Variants in RAD54B observed in about 807,000 individuals in gnomAD.
RAD54B encodes DNA repair and recombination protein RAD54B.
A neutral mutation model predicts 95.8 loss-of-function variants in RAD54B; 78 were observed. The ratio of observed to expected loss-of-function variants is 0.81; its 90% CI spans 0.68 to 0.98. RAD54B has a LOEUF of 0.98. Among genes scored for constraint, RAD54B ranks in the 50% least tolerant of loss-of-function variants. The pLI is 0.00. For missense variants in RAD54B, 957 were observed against 1,056.6 expected (o/e 0.91, Z 1.31); for synonymous variants, 328 against 354.9 (o/e 0.92, Z 0.85).
chr8:94,420,282 G>C (rs1304659109), intron 3 of RAD54B, among the ~76,000 whole-genome samples: 1 of 96,690 alleles, frequency 1.0e-5, no homozygotes, highest in Non-Finnish European at 2.0e-5. Flanking sequence ...TTTTAAGACA[G>C]AGTCTCACTG....
intron 3 of RAD54B, among the ~76,000 whole-genome samples, chr8:94,447,909 A>G (rs1438688076): frequency 6.6e-6 from 1 of 152,242 alleles, no homozygotes; most frequent in Non-Finnish European, 1.5e-5. Flanking sequence ...TAGACCAGTC[A>G]GCCCTGAAGC....
intron 5 of RAD54B, 106 bp downstream of exon 5, chr8:94,407,333 A>T: frequency 9.3e-7 from 1 of 1,078,964 alleles, no homozygotes; most frequent in Non-Finnish European, 1.3e-6. Flanking sequence ...AGAATAATGT[A>T]TACTTTCACC....
chr8:94,452,492 T>G (rs1812683153), intron 3 of RAD54B, among the ~76,000 whole-genome samples: 1 of 151,682 alleles, frequency 6.6e-6, no homozygotes, highest in Admixed American at 6.6e-5. Context: ...TTTTATACTA[T>G]CCTTAATTTT....
Position 94,378,341 on chromosome 8 carries a change from T to G in RAD54B, c.2354A>C (p.Lys785Thr), listed in dbSNP as rs767851360. 1.9e-6 allele frequency: 3 copies of G among 1,614,034 alleles called. No homozygotes were observed. Reference sequence around the variant, plus strand: ...GACAACTGCCCCACAAAGACCTTGCTTACTGATCTGCCTTTGATAGATCTT... The same window carrying G: ...GACAACTGCCCCACAAAGACCTTGCGTACTGATCTGCCTTTGATAGATCTT... The part of the protein sequence containing the change: ...EEKIYQRQIS[K>T]QGLCGAVVDL... The change falls in exon 14 of 15, where the codon AAG (lysine) becomes ACG (threonine). Residue 785 changes from lysine to threonine, a missense_variant. Physicochemically the swap from Lys to Thr is moderately conservative, Grantham distance 78. Coordinates refer to ENST00000336148, the MANE Select transcript of RAD54B (RefSeq NM_012415.3).
At chr8:94,466,084 T>C (rs560949768) in intron 2 of RAD54B, among the ~76,000 whole-genome samples, 24 of 152,332 alleles carry the variant, frequency 1.6e-4, no homozygotes, top group Non-Finnish European at 2.9e-4. Context: ...AAACAGATTG[T>C]GGTGATGGTT....
chr8:94,464,356 C>G (rs756636908), intron 2 of RAD54B, among the ~76,000 whole-genome samples: 1 of 152,072 alleles, frequency 6.6e-6, no homozygotes, highest in Admixed American at 6.6e-5. Context: ...ATGTGGTGAC[C>G]TGTAGAAGCT....
At chr8:94,461,407 G>C (rs1046769258) in intron 2 of RAD54B, among the ~76,000 whole-genome samples, 2 of 150,994 alleles carry the variant, frequency 1.3e-5, no homozygotes, top group African/African-American at 4.9e-5. Context: ...GACCTCAGGT[G>C]ATCCGCCTGC....
intron 3 of RAD54B, among the ~76,000 whole-genome samples, chr8:94,445,726 T>G (rs574612775): frequency 6.6e-6 from 1 of 152,074 alleles, no homozygotes; most frequent in Admixed American, 6.6e-5. Flanking sequence ...AGACAGGGCC[T>G]CACTATGTTG....
rs200788791 is a variant in RAD54B at position 94,386,971 on chromosome 8, A to C, written c.1985+13T>G. On this transcript the variant is annotated intron_variant, in intron 11 of 14. Coordinates refer to ENST00000336148, the MANE Select transcript of RAD54B (RefSeq NM_012415.3). ...CTCTATGAGCACTTATAAGTTTGTT[A>C]AATCGATCTTACTTTTCAGTAGGTC... is the stretch of plus-strand genomic sequence containing the variant. 8 of 1,580,012 alleles carry C rather than the reference A, an allele frequency of 5.1e-6. No homozygotes were observed. In the Admixed American group the frequency reaches 1.3e-4, roughly 26 times the overall value.
At chr8:94,374,050 C>A (rs538041860) in intron 14 of RAD54B, among the ~76,000 whole-genome samples, 1 of 152,044 alleles carries the variant, frequency 6.6e-6, no homozygotes, top group Non-Finnish European at 1.5e-5. Context: ...GAGGCCAAGG[C>A]GGGCAGATCA....
intron 3 of RAD54B, among the ~76,000 whole-genome samples, chr8:94,446,555 T>C (rs138108466): frequency 4.6e-5 from 7 of 152,340 alleles, no homozygotes; most frequent in Non-Finnish European, 8.8e-5. Context: ...TGTCTCCTGA[T>C]AGACTACAAA....
intron 3 of RAD54B, among the ~76,000 whole-genome samples, chr8:94,453,100 T>C (rs1448943972): frequency 1.3e-5 from 2 of 152,206 alleles, no homozygotes; most frequent in African/African-American, 4.8e-5. Flanking sequence ...TAGTCTCCTA[T>C]ATGTATATAT....
At chr8:94,459,182 G>A (rs1004993839) in intron 2 of RAD54B, among the ~76,000 whole-genome samples, 3 of 151,608 alleles carry the variant, frequency 2.0e-5, no homozygotes, top group East Asian at 3.9e-4. Flanking sequence ...ATGGGGTCTC[G>A]GTCTGGTACC....
chr8:94,403,574 G>A (rs1811311636), intron 6 of RAD54B, among the ~76,000 whole-genome samples: 1 of 152,024 alleles, frequency 6.6e-6, no homozygotes, highest in Admixed American at 6.6e-5. Flanking sequence ...CTACTCAGGA[G>A]GCTGAGATGC....
intron 8 of RAD54B, among the ~76,000 whole-genome samples, chr8:94,396,587 A>C (rs1176863369): frequency 6.6e-6 from 1 of 152,122 alleles, no homozygotes; most frequent in African/African-American, 2.4e-5. Flanking sequence ...ATACACAAAG[A>C]GTATATGCTT....
intron 1 of RAD54B, among the ~76,000 whole-genome samples, chr8:94,471,147 T>C (rs1176565615): frequency 3.3e-5 from 5 of 152,066 alleles, no homozygotes; most frequent in African/African-American, 1.2e-4. Flanking sequence ...TGCCCTATCA[T>C]TCCCTCTGAG....
chr8:94,465,197 C>T (rs1449182531), intron 2 of RAD54B, among the ~76,000 whole-genome samples: 2 of 152,094 alleles, frequency 1.3e-5, no homozygotes, highest in South Asian at 2.1e-4. Flanking sequence ...TTTCTCCTTA[C>T]AGTGTGCCAG....
intron 8 of RAD54B, among the ~76,000 whole-genome samples, chr8:94,395,199 T>A (rs2470737): frequency 1.3e-5 from 2 of 152,056 alleles, no homozygotes; most frequent in Non-Finnish European, 2.9e-5. Context: ...ACTGACATAC[T>A]CAAGGGTTCT....
rs1473130820 is a variant in RAD54B at position 94,400,450 on chromosome 8, A to G, written c.958T>C (p.Cys320Arg). 1 of 1,607,784 alleles carries G rather than the reference A, an allele frequency of 6.2e-7. No homozygotes were observed. Among genetic ancestry groups the G allele is most frequent in the South Asian group, 1.1e-5 (1 of 89,794 alleles). The part of the protein sequence containing the change: ...CVMGMRMNGR[C>R]GAILADEMGL... ...ATTTCATCAGCAAGAATAGCTCCAC[A>G]TCTGCCATTCATTCTGTTAGAAATA... The change falls in exon 7 of 15, where the codon TGT becomes CGT. Residue 320 changes from cysteine (C) to arginine (R), a missense_variant. Cys to Arg is a radical substitution (Grantham distance 180, BLOSUM62 -3). Coordinates refer to ENST00000336148, the MANE Select transcript of RAD54B (RefSeq NM_012415.3).
Sources: gnomAD v4.1 joint callset for allele counts (sites outside exome capture counted in the v4.1 genomes callset) on GRCh38, gnomAD v4.1.1 for gene constraint, MANE v1.5 for transcripts, NCBI Gene and HGNC (gene_info 2026-07-23, HGNC 2026-07-21) for gene names.